AACS: variants seen among roughly 807,000 people sequenced by gnomAD.
AACS encodes the protein acetoacetyl-CoA synthetase, also known as acetoacetate-CoA ligase.
Under a neutral mutation model 83.1 loss-of-function variants are expected in AACS, and 69 were observed. That is an observed-to-expected ratio of 0.83 (90% confidence interval 0.68 to 1.01). AACS has a LOEUF of 1.01. Ranked by LOEUF, AACS falls within the 50% of genes least tolerant of loss-of-function variation. The pLI is 0.00. For synonymous variants in AACS, 333 were observed against 343.4 expected (o/e 0.97, Z 0.33); for missense variants, 866 against 882.2 (o/e 0.98, Z 0.23).
chr12:125,076,674 G>C (rs1594575217), intron 3 of AACS, 63 bp downstream of exon 3: 2 of 1,598,778 alleles, frequency 1.3e-6, no homozygotes, highest in African/African-American at 1.3e-5. Flanking sequence ...GCATGCATGC[G>C]GTGCCACATA....
chr12:125,091,519 T>G lies in AACS; in HGVS notation c.566T>G (p.Val189Gly), dbSNP rs1229257586. The G allele has an allele frequency of 6.2e-7, 1 of 1,614,080 alleles. No homozygotes were observed. Among genetic ancestry groups the G allele is most frequent in the Non-Finnish European group, 8.5e-7 (1 of 1,180,044 alleles). Residue 189 changes from valine (V) to glycine (G), a missense_variant, in exon 5 of 18, where the codon GTG becomes GGG. Val to Gly is a moderately radical substitution (Grantham distance 109, BLOSUM62 -3). Transcript: ENST00000316519. ...AGCTCCACGTCCCCGGACTTCGGTG[T>G]GAATGTGAGTCAGGGTCTGTGACAG... The part of the protein sequence containing the change: ...IWSSTSPDFG[V>G]NGVLDRFSQI...
chr12:125,077,499 G>T (rs7302037), intron 3 of AACS, among the ~76,000 whole-genome samples: 2,983 of 144,984 alleles, frequency 0.021, 102 homozygotes, highest in African/African-American at 0.071. Flanking sequence ...GACAGAGTGA[G>T]ACTCTGTCTC....
chr12:125,083,689 G>A (rs888125773), intron 3 of AACS, among the ~76,000 whole-genome samples: 11 of 151,954 alleles, frequency 7.2e-5, no homozygotes, highest in African/African-American at 2.7e-4. Flanking sequence ...AGTCTCACTC[G>A]GTCGCCGAGG....
At chr12:125,083,135 G>A (rs1171659087) in intron 3 of AACS, among the ~76,000 whole-genome samples, 1 of 152,226 alleles carries the variant, frequency 6.6e-6, no homozygotes, top group Non-Finnish European at 1.5e-5. Flanking sequence ...GTTGCAGTGA[G>A]GATGCTGGCA....
intron 4 of AACS, among the ~76,000 whole-genome samples, chr12:125,089,754 CGTCATCCATCT>C (rs1323657176): frequency 4.6e-5 from 7 of 151,132 alleles, no homozygotes; most frequent in African/African-American, 1.7e-4. Context: ...CCCATCCATC[CGTCATCCATCT>C]ATCCATCCCT....
intron 5 of AACS, among the ~76,000 whole-genome samples, chr12:125,091,906 C>T (rs1956494431): frequency 6.6e-6 from 1 of 152,244 alleles, no homozygotes; most frequent in African/African-American, 2.4e-5. Context: ...GTCCTGCCTG[C>T]AGAAGTTCCC....
At chr12:125,134,215 AC>A in intron 15 of AACS, 143 bp downstream of exon 15, 2 of 844,398 alleles carry the variant, frequency 2.4e-6, no homozygotes, top group Admixed American at 2.5e-5. Flanking sequence ...TGTCCACACC[AC>A]CCACACCTCT....
At chr12:125,109,559 C>T (rs1956906412) in intron 8 of AACS, among the ~76,000 whole-genome samples, 3 of 152,222 alleles carry the variant, frequency 2.0e-5, no homozygotes, top group Admixed American at 2.0e-4. Flanking sequence ...TTTAATATTT[C>T]AGCACGTATC....
intron 14 of AACS, among the ~76,000 whole-genome samples, chr12:125,131,855 C>G (rs951331301): frequency 6.6e-6 from 1 of 152,210 alleles, no homozygotes; most frequent in Non-Finnish European, 1.5e-5. Context: ...CCTCGGCCTC[C>G]CAAAGTGCTG....
intron 5 of AACS, among the ~76,000 whole-genome samples, chr12:125,093,756 C>G (rs1565934385): frequency 6.6e-6 from 1 of 152,262 alleles, no homozygotes; most frequent in African/African-American, 2.4e-5. Context: ...AGATGCTTCT[C>G]TCTGTCGCTC....
intron 9 of AACS, 146 bp downstream of exon 9, chr12:125,114,703 C>A: frequency 2.6e-6 from 1 of 390,804 alleles, no homozygotes; most frequent in Admixed American, 5.2e-5. Flanking sequence ...CTGTGCTATA[C>A]CACAATAGGG....
intron 17 of AACS, chr12:125,139,380 G>A (rs1957447306): frequency 6.6e-6 from 1 of 152,458 alleles, no homozygotes; most frequent in Non-Finnish European, 1.5e-5. Context: ...GGTTCTCTGA[G>A]GGTCTTTATG....
intron 17 of AACS, among the ~76,000 whole-genome samples, chr12:125,137,935 C>CAGGAGA (rs1957422917): frequency 6.6e-6 from 1 of 152,200 alleles, no homozygotes; most frequent in Admixed American, 6.5e-5. Context: ...ACAGGATTTA[C>CAGGAGA]CAGGAGAGTC....
chr12:125,091,232 G>C (rs1956477857), intron 4 of AACS, 194 bp from the exon 5 acceptor site: 2 of 614,168 alleles, frequency 3.3e-6, no homozygotes, highest in African/African-American at 3.7e-5. Flanking sequence ...AGAATGGATT[G>C]CAGGGGGATG....
Position 125,065,534 on chromosome 12 carries a change from C to A in AACS, c.-51C>A, listed in dbSNP as rs1175587818. ...CAGGTCCCCGGCCCTCGCCTCAGCC[C>A]CGGCCCCTGGTCCCCAGCCCTCGTC... is the stretch of plus-strand genomic sequence containing the variant. On this transcript the variant is annotated 5_prime_UTR_variant, in exon 1 of 18. Transcript: ENST00000316519. The A allele has an allele frequency of 6.9e-7, 1 of 1,455,304 alleles. No individual in the cohort carries two copies. Among genetic ancestry groups the A allele is most frequent in the African/African-American group, 1.5e-5 (1 of 67,150 alleles). 90.1% of individuals were successfully genotyped at this position (1,455,304 alleles called of 1,614,324 possible).
rs770636095 is a variant in AACS at position 125,091,471 on chromosome 12, C to T, written c.518C>T (p.Ala173Val). Residue 173 changes from alanine to valine, a missense_variant, in exon 5 of 18, where the codon GCG becomes GTG. Physicochemically the swap from Ala to Val is moderately conservative, Grantham distance 64. Coordinates refer to ENST00000316519, the MANE Select transcript of AACS (RefSeq NM_023928.5). ...CACGCTGTCGAGGCGATGCTGGCTG[C>T]GGCAAGCATTGGTGCCATCTGGAGC... ...SEHAVEAMLA[A>V]ASIGAIWSST... The T allele has an allele frequency of 3.0e-5, 48 of 1,614,124 alleles. No individual in the cohort carries two copies. Among genetic ancestry groups the T allele is most frequent in the Middle Eastern group, 3.3e-4 (2 of 6,084 alleles).
intron 8 of AACS, among the ~76,000 whole-genome samples, chr12:125,112,216 A>G (rs1289997780): frequency 1.3e-5 from 2 of 152,162 alleles, no homozygotes; most frequent in African/African-American, 4.8e-5. Context: ...GTAACTTTCT[A>G]AGAAGCTTTT....
At chr12:125,105,444 C>CTTT (rs1265804000) in intron 7 of AACS, 1 of 152,196 alleles carries the variant, frequency 6.6e-6, no homozygotes, top group African/African-American at 2.4e-5. Context: ...AGAGCGCTGG[C>CTTT]TTTCTTTCAT....
chr12:125,105,678 T>G (rs1001358283), intron 7 of AACS: 19 of 152,242 alleles, frequency 1.2e-4, no homozygotes, highest in African/African-American at 4.6e-4. Flanking sequence ...CAGTCCATCC[T>G]TTGATTGTGG....
Sources: allele counts gnomAD v4.1 joint callset (sites outside exome capture counted in the v4.1 genomes callset), GRCh38; gene constraint gnomAD v4.1.1; transcripts MANE v1.5; gene names NCBI Gene and HGNC (gene_info 2026-07-23, HGNC 2026-07-21).